KCNIP1: variants seen among roughly 807,000 people sequenced by gnomAD.
The protein encoded by KCNIP1 is potassium voltage-gated channel interacting protein 1, also known as A-type potassium channel modulatory protein KCNIP1.
Under a neutral mutation model 33.0 loss-of-function variants are expected in KCNIP1, and 18 were observed. That is an observed-to-expected ratio of 0.55 (90% CI 0.38 to 0.81). KCNIP1 has a LOEUF of 0.81. KCNIP1 is among the 30% of genes least tolerant of loss of function. KCNIP1 has a pLI of 0.00. For synonymous variants in KCNIP1, 93 were observed against 98.3 expected (o/e 0.95, Z 0.32); for missense variants, 238 against 271.6 (o/e 0.88, Z 0.87).
chr5:170,458,783 A>G lies in KCNIP1; in HGVS notation c.88+104819A>G, dbSNP rs141138822. Among the ~76,000 whole-genome samples, 11 of 152,336 alleles carry G rather than the reference A, an allele frequency of 7.2e-5. No individual in the cohort carries two copies. The East Asian group carries it at 2.1e-3, about 29-fold the overall frequency. On this transcript the variant is annotated intron_variant, in intron 1 of 7. Coordinates refer to the KCNIP1 transcript ENST00000377360. ...ATCTCACAGAAACTATAAAACAAAA[A>G]TACAATTAAGACAACAACAAAAAAC...
At chr5:170,484,784 A>G (rs115101115) in intron 1 of KCNIP1, among the ~76,000 whole-genome samples, 1,867 of 137,602 alleles carry the variant, frequency 0.014, 44 homozygotes, top group African/African-American at 0.047. Context: ...CCACCTTTCC[A>G]CCCTCTCTCT....
At chr5:170,680,867 C>G (rs1433408077) in intron 1 of KCNIP1, 1 of 389,286 alleles carries the variant, frequency 2.6e-6, no homozygotes, top group African/African-American at 2.1e-5. Context: ...TACTATGAAA[C>G]ATAGAGATTA....
At chr5:170,468,089 G>A (rs1450196155) in intron 1 of KCNIP1, among the ~76,000 whole-genome samples, 3 of 152,090 alleles carry the variant, frequency 2.0e-5, no homozygotes, top group Admixed American at 6.5e-5. Context: ...AATATAAAAT[G>A]TTTAACGGAG....
intron 1 of KCNIP1, among the ~76,000 whole-genome samples, chr5:170,632,512 G>C (rs571094577): frequency 6.6e-6 from 1 of 152,250 alleles, no homozygotes; most frequent in African/African-American, 2.4e-5. Context: ...GGCGGGAGAT[G>C]AGGAGGAGCA....
intron 1 of KCNIP1, among the ~76,000 whole-genome samples, chr5:170,694,722 C>T (rs1349375544): frequency 6.6e-6 from 1 of 152,132 alleles, no homozygotes; most frequent in East Asian, 1.9e-4. Context: ...CTCTCGACAC[C>T]CAGAATCACA....
At chr5:170,729,225 C>G (rs916528063) in intron 5 of KCNIP1, among the ~76,000 whole-genome samples, 2 of 151,904 alleles carry the variant, frequency 1.3e-5, no homozygotes, top group Non-Finnish European at 2.9e-5. Flanking sequence ...AAGTTAGAAA[C>G]AATTTTTTAA....
At chr5:170,667,266 C>G (rs1352818670) in intron 1 of KCNIP1, among the ~76,000 whole-genome samples, 2 of 150,162 alleles carry the variant, frequency 1.3e-5, no homozygotes, top group African/African-American at 2.5e-5. Context: ...GAGCCAAGAT[C>G]GTGCCATTGC....
At chr5:170,419,233 C>T (rs1755413931) in intron 1 of KCNIP1, among the ~76,000 whole-genome samples, 1 of 152,152 alleles carries the variant, frequency 6.6e-6, no homozygotes, top group Non-Finnish European at 1.5e-5. Context: ...GGCCAAGACC[C>T]CAGTGAGGTT....
chr5:170,673,331 A>G (rs1035136400), intron 1 of KCNIP1, among the ~76,000 whole-genome samples: 2 of 152,216 alleles, frequency 1.3e-5, no homozygotes, highest in Non-Finnish European at 2.9e-5. Flanking sequence ...TTGCAGCTTA[A>G]ACACTGAGGC....
In KCNIP1 at chr5:170,576,391, C is replaced by T. The variant is rs543512268; in HGVS notation, c.61+71758C>T. 4.6e-5 allele frequency among the ~76,000 whole-genome samples: 7 copies of T among 152,342 alleles called. No homozygotes were observed. The South Asian group carries it at 1.0e-3, about 23-fold the overall frequency. Reference sequence around the variant, plus strand: ...CCTCAGAGGTCACATAGTGTAACCTCTATCACACCCTATTGGTAGATATTG... The same window carrying T: ...CCTCAGAGGTCACATAGTGTAACCTTTATCACACCCTATTGGTAGATATTG... On this transcript the variant is annotated intron_variant, in intron 1 of 7. Transcript: ENST00000328939.
chr5:170,493,130 G>A (rs1023048686), intron 1 of KCNIP1, among the ~76,000 whole-genome samples: 4 of 152,090 alleles, frequency 2.6e-5, no homozygotes, highest in African/African-American at 7.2e-5. Flanking sequence ...CACCAGTCCC[G>A]CCCACTTGGT....
chr5:170,501,555 T>C (rs1157818771), upstream of KCNIP1, among the ~76,000 whole-genome samples: 1 of 152,226 alleles, frequency 6.6e-6, no homozygotes, highest in Non-Finnish European at 1.5e-5. Flanking sequence ...ATTTCTGATC[T>C]GCAAAATGGA....
intron 1 of KCNIP1, among the ~76,000 whole-genome samples, chr5:170,381,919 T>G (rs1581130681): frequency 6.6e-6 from 1 of 152,046 alleles, no homozygotes; most frequent in African/African-American, 2.4e-5. Context: ...CTCCACCGGG[T>G]GGGGCCGAGT....
At chr5:170,614,884 C>T (rs1581400092) in intron 1 of KCNIP1, among the ~76,000 whole-genome samples, 1 of 152,160 alleles carries the variant, frequency 6.6e-6, no homozygotes, top group African/African-American at 2.4e-5. Flanking sequence ...CCTCTCAGTG[C>T]GTGCTGTAAG....
intron 5 of KCNIP1, among the ~76,000 whole-genome samples, chr5:170,730,566 G>A (rs141198304): frequency 6.6e-6 from 1 of 152,092 alleles, no homozygotes; most frequent in African/African-American, 2.4e-5. Flanking sequence ...AAGCATCAAT[G>A]GCCATGTAGA....
At chr5:170,720,160 A>G (rs114050075) in intron 2 of KCNIP1, among the ~76,000 whole-genome samples, 161 bp from the exon 3 acceptor site, 172 of 152,220 alleles carry the variant, frequency 1.1e-3, no homozygotes, top group African/African-American at 3.9e-3. Context: ...TCATTTTGCA[A>G]AGCAGCTCCA....
intron 1 of KCNIP1, among the ~76,000 whole-genome samples, chr5:170,363,436 G>C (rs1303120761): frequency 6.6e-6 from 1 of 152,184 alleles, no homozygotes; most frequent in Non-Finnish European, 1.5e-5. Context: ...CTTGTAAGAA[G>C]GGGAAGAGAC....
intron 1 of KCNIP1, among the ~76,000 whole-genome samples, chr5:170,712,615 T>G (rs750908607): frequency 1.3e-5 from 2 of 152,190 alleles, no homozygotes; most frequent in Non-Finnish European, 2.9e-5. Context: ...GCTGAGGGCA[T>G]GTTCAATGAG....
intron 1 of KCNIP1, chr5:170,420,616 G>C (rs571593494): frequency 6.6e-6 from 1 of 152,236 alleles, no homozygotes; most frequent in Admixed American, 6.5e-5. Context: ...TATGTTATGG[G>C]TAAGTCTTCC....
Sources: allele counts gnomAD v4.1 joint callset (sites outside exome capture counted in the v4.1 genomes callset), GRCh38; gene constraint gnomAD v4.1.1; transcripts MANE v1.5; gene names NCBI Gene and HGNC (gene_info 2026-07-23, HGNC 2026-07-21).